ABCA13: variants seen among roughly 807,000 people sequenced by gnomAD.
ABCA13 encodes ATP binding cassette subfamily A member 13.
ABCA13 carries 476 observed loss-of-function variants against 478.7 expected under a neutral mutation model. That is an observed-to-expected ratio of 0.99 (90% CI 0.92 to 1.07). ABCA13 has a LOEUF of 1.07. Among genes scored for constraint, ABCA13 ranks in the 50% least tolerant of loss-of-function variants. ABCA13 has a pLI of 0.00. For missense variants in ABCA13, 6,060 were observed against 5,910.6 expected (o/e 1.03, Z -0.83); for synonymous variants, 2,252 against 2,158.9 (o/e 1.04, Z -1.20).
At chr7:48,529,102 G>A (rs1366286440) in intron 55 of ABCA13, among the ~76,000 whole-genome samples, 1 of 152,152 alleles carries the variant, frequency 6.6e-6, no homozygotes, top group Non-Finnish European at 1.5e-5. Flanking sequence ...GCACCTGTGT[G>A]GTAGTGTGTC....
chr7:48,187,160 CT>C (rs1661907359), intron 1 of ABCA13, among the ~76,000 whole-genome samples: 2 of 149,942 alleles, frequency 1.3e-5, no homozygotes, highest in South Asian at 2.1e-4. Flanking sequence ...TTTAATCCTA[CT>C]TTTTTTCTCT....
At chr7:48,521,054 T>TACACATGCATGCAC (rs1832511410) in intron 53 of ABCA13, among the ~76,000 whole-genome samples, 2 of 132,990 alleles carry the variant, frequency 1.5e-5, no homozygotes, top group South Asian at 4.5e-4. Flanking sequence ...ATGTGGTTTA[T>TACACATGCATGCAC]ACACATGCAT....
chr7:48,515,376 A>C (rs1370142325), intron 51 of ABCA13, among the ~76,000 whole-genome samples: 1 of 152,112 alleles, frequency 6.6e-6, no homozygotes, highest in Non-Finnish European at 1.5e-5. Flanking sequence ...TTCAGGAAGG[A>C]GATGAGGGAA....
intron 55 of ABCA13, among the ~76,000 whole-genome samples, chr7:48,543,062 A>G (rs1305649038): frequency 6.6e-6 from 1 of 151,870 alleles, no homozygotes; most frequent in East Asian, 1.9e-4. Context: ...TTTTCCTGAG[A>G]TTGGTATTTT....
chr7:48,387,457 G>A (rs1388675736), intron 35 of ABCA13, among the ~76,000 whole-genome samples: 6 of 152,088 alleles, frequency 3.9e-5, no homozygotes, highest in Non-Finnish European at 8.8e-5. Context: ...AAACATCAAA[G>A]ATAGGCAAAA....
intron 52 of ABCA13, 65 bp downstream of exon 52, chr7:48,516,946 A>C (rs985739084): frequency 5.3e-6 from 8 of 1,512,878 alleles, no homozygotes; most frequent in African/African-American, 2.8e-5. Flanking sequence ...GTGTTAACTC[A>C]TGCCTCTTTT....
intron 5 of ABCA13, among the ~76,000 whole-genome samples, chr7:48,224,847 C>T (rs530488584): frequency 1.2e-4 from 19 of 152,132 alleles, no homozygotes; most frequent in African/African-American, 1.7e-4. Flanking sequence ...CAGTTTTAAT[C>T]GCTGCAGCAT....
Position 48,335,448 on chromosome 7 carries a change from CA to C in ABCA13, c.10029del (p.Lys3343AsnfsTer2). 2 of 1,611,640 alleles carry C rather than the reference CA, an allele frequency of 1.2e-6. No individual in the cohort carries two copies. Among genetic ancestry groups the C allele is most frequent in the Non-Finnish European group, 1.7e-6 (2 of 1,178,668 alleles). ...KANYTFYIVD[K>X]LKTLSETLLE... ...CTAATTACACCTTTTATATTGTGGA[CA>C]AACTAAAAACTTTATCAGAAACACT... On this transcript the variant is annotated frameshift_variant, in exon 28 of 62. Coordinates refer to ENST00000435803, the MANE Select transcript of ABCA13 (RefSeq NM_152701.5). LOFTEE classifies it high-confidence loss of function.
rs112587692 is a variant in ABCA13 at position 48,601,589 on chromosome 7, A to G, written c.14744+6776A>G. On this transcript the variant is annotated intron_variant, in intron 58 of 61. Coordinates refer to ENST00000435803, the MANE Select transcript of ABCA13 (RefSeq NM_152701.5). The stretch of plus-strand genomic sequence containing the variant: ...ATGGCTGCATAATATTCCATGATGT[A>G]TATGTACCACATTTTCTTTATCCAG... 2.3e-4 allele frequency among the ~76,000 whole-genome samples: 35 copies of G among 152,282 alleles called. 1 individual carries two copies. The highest frequency in any genetic ancestry group is 7.9e-4 in the African/African-American group (33 of 41,558).
In ABCA13 at chr7:48,276,232, T is replaced by G; in HGVS notation, c.6566T>G (p.Leu2189Arg). The G allele has an allele frequency of 6.3e-7, 1 of 1,576,866 alleles. No homozygotes were observed. Among genetic ancestry groups the G allele is most frequent in the Non-Finnish European group, 8.6e-7 (1 of 1,160,034 alleles). The change falls in exon 17 of 62, where the codon CTG becomes CGG. Residue 2189 changes from leucine to arginine, a missense_variant. Around this residue, in one of 3 missense-constraint regions of ABCA13, gnomAD observed 4,423 missense variants for 4,309.1 expected, o/e 1.03. Transcript: ENST00000435803. ...GNFDVAFLTH[L>R]LNQEQLTNFS... is the part of the protein sequence containing the mutation. Reference sequence around the variant, plus strand: ...TTTGATGTTGCCTTTCTTACCCATCTGCTAAATCAAGAACAGCTGACTAAT... The same window carrying G: ...TTTGATGTTGCCTTTCTTACCCATCGGCTAAATCAAGAACAGCTGACTAAT...
At chr7:48,611,324 C>T (rs942419118) in intron 58 of ABCA13, among the ~76,000 whole-genome samples, 7 of 152,204 alleles carry the variant, frequency 4.6e-5, no homozygotes, top group Non-Finnish European at 1.0e-4. Flanking sequence ...CCATCTTCTC[C>T]TGAGCCCTCC....
chr7:48,511,372 C>T (rs748409010), intron 51 of ABCA13, among the ~76,000 whole-genome samples, 173 bp downstream of exon 51: 8 of 152,226 alleles, frequency 5.3e-5, no homozygotes, highest in East Asian at 1.9e-4. Flanking sequence ...ATGAATGCCC[C>T]GTGGAGGAAG....
At chr7:48,374,946 G>A (rs991383311) in intron 34 of ABCA13, among the ~76,000 whole-genome samples, 6 of 152,108 alleles carry the variant, frequency 3.9e-5, no homozygotes, top group Non-Finnish European at 8.8e-5. Context: ...ATTCTCATAG[G>A]AGCCTGAACG....
At position 48,471,482 on chromosome 7, in the gene ABCA13, G is replaced by A. The variant is rs368488560; in HGVS notation, c.12906-48G>A. On this transcript the variant is annotated intron_variant, in intron 44 of 61. Transcript: ENST00000435803. The stretch of plus-strand genomic sequence containing the variant: ...AACTCTCTTTTATGGAAATACAATG[G>A]CTTTGTAAATCTAAAAGATCATTCC... The A allele has an allele frequency of 1.0e-4, 147 of 1,475,694 alleles. No individual in the cohort carries two copies. The African/African-American group carries it at 1.7e-3, about 17-fold the overall frequency. The allele number at this position is 1,475,694 out of a possible 1,614,324, so 91.4% of individuals were successfully genotyped here. A position where few individuals can be genotyped will look rare whatever the true frequency, so the allele number is the denominator to read the frequency against.
At chr7:48,424,273 T>C (rs193078070) in intron 41 of ABCA13, among the ~76,000 whole-genome samples, 2 of 152,252 alleles carry the variant, frequency 1.3e-5, no homozygotes, top group African/African-American at 4.8e-5. Flanking sequence ...CATCTCCTCA[T>C]AATTGTTGAA....
rs1469991730 is a variant in ABCA13 at position 48,278,708 on chromosome 7, T to C, written c.7514T>C (p.Leu2505Pro). 6 of 1,613,832 alleles carry C rather than the reference T, an allele frequency of 3.7e-6. No individual in the cohort carries two copies. The Admixed American group carries it at 5.0e-5, about 13-fold the overall frequency. ...LLEMSGTLVM[L>P]LNDSADLRDL... ...GAAATGTCTGGGACTCTGGTCATGC[T>C]GTTGAATGACAGTGCTGACCTGAGA... Residue 2505 changes from leucine (L) to proline (P), a missense_variant, in exon 18 of 62, where the codon CTG becomes CCG. By Grantham distance (98) the Leu-to-Pro change is moderately conservative. Coordinates refer to ENST00000435803, the MANE Select transcript of ABCA13 (RefSeq NM_152701.5).
chr7:48,455,922 G>T (rs1825621160), intron 43 of ABCA13, among the ~76,000 whole-genome samples: 1 of 151,456 alleles, frequency 6.6e-6, no homozygotes, highest in African/African-American at 2.4e-5. Context: ...ACCTAAGATA[G>T]AAACCGATCC....
intron 41 of ABCA13, among the ~76,000 whole-genome samples, chr7:48,423,247 C>T (rs875810): frequency 0.27 from 41,812 of 152,060 alleles, 5,888 homozygotes; most frequent in East Asian, 0.36. Flanking sequence ...CTTCTGCTTC[C>T]TTAAAAAACA....
chr7:48,449,294 T>G (rs933851010), intron 42 of ABCA13, among the ~76,000 whole-genome samples: 1 of 152,166 alleles, frequency 6.6e-6, no homozygotes, highest in Non-Finnish European at 1.5e-5. Context: ...TCTCCTTCCT[T>G]CCTTCCTTTT....
Sources: allele counts gnomAD v4.1 joint callset (sites outside exome capture counted in the v4.1 genomes callset), GRCh38; gene constraint gnomAD v4.1.1; regional missense constraint gnomAD v4.1.1; transcripts MANE v1.5; gene names NCBI Gene and HGNC (gene_info 2026-07-23, HGNC 2026-07-21).